IKBKB: variants seen among roughly 807,000 people sequenced by gnomAD.
IKBKB encodes inhibitor of nuclear factor kappa B kinase subunit beta, also known as inhibitor of nuclear factor kappa-B kinase subunit beta.
In IKBKB, 42 loss-of-function variants were observed where a neutral mutation model predicts 113.6. The ratio of observed to expected loss-of-function variants is 0.37; its 90% CI spans 0.29 to 0.48. IKBKB has a LOEUF of 0.48. Ranked by LOEUF, IKBKB falls within the 20% of genes least tolerant of loss-of-function variation. IKBKB has a pLI of 0.99. For synonymous variants in IKBKB, 296 were observed against 361.3 expected, an observed-to-expected ratio of 0.82 and a Z score of 2.05; for missense variants, 673 against 939.7, an observed-to-expected ratio of 0.72 and a Z score of 3.71.
At chr8:42,296,358 G>C (rs1268977795) in intron 5 of IKBKB, among the ~76,000 whole-genome samples, 1 of 152,184 alleles carries the variant, frequency 6.6e-6, no homozygotes, top group African/African-American at 2.4e-5. Flanking sequence ...TAGGCCAGAC[G>C]CGGTGGCTCA....
chr8:42,281,022 A>C (rs1810276652), intron 2 of IKBKB, among the ~76,000 whole-genome samples: 1 of 152,152 alleles, frequency 6.6e-6, no homozygotes, highest in Non-Finnish European at 1.5e-5. Context: ...ACAGTGATCC[A>C]GGGAGCATTC....
At position 42,305,285 on chromosome 8, in the gene IKBKB, C is replaced by T. The variant is rs2130521275; in HGVS notation, c.477+10C>T. ...GCAAGGAGAACAGAGGGTAAGTGAC[C>T]TCCTGGGACTGGGAAAGCCTCAGGT... On this transcript the variant is annotated intron_variant, in intron 6 of 21. Transcript: ENST00000520810. The T allele has an allele frequency of 6.3e-7, 1 of 1,586,282 alleles. No homozygotes were observed. Among genetic ancestry groups the T allele is most frequent in the Non-Finnish European group, 8.7e-7 (1 of 1,154,928 alleles).
intron 8 of IKBKB, chr8:42,309,373 T>A (rs1817246121): frequency 2.7e-6 from 1 of 374,134 alleles, no homozygotes; most frequent in Non-Finnish European, 5.2e-6. Context: ...ATAAAACACG[T>A]GTACACATGA....
intron 3 of IKBKB, among the ~76,000 whole-genome samples, chr8:42,289,708 G>A (rs991195715): frequency 4.6e-5 from 7 of 152,176 alleles, no homozygotes; most frequent in African/African-American, 1.7e-4. Flanking sequence ...TTCTCTGTGT[G>A]TCCACCTTGG....
rs147868691 is a variant in IKBKB, at chr8:42,322,629, G to A, written c.1986+135G>A. The A allele has an allele frequency of 2.3e-3, 2,019 of 870,258 alleles. 4 individuals carry two copies. Among genetic ancestry groups the A allele is most frequent in the Middle Eastern group, 6.5e-3 (18 of 2,786 alleles). The allele number at this position is 870,258 out of a possible 1,614,324, so 53.9% of individuals were successfully genotyped here. The stretch of plus-strand genomic sequence containing the variant: ...CACTCAGCTGCTGCTCGGGCTTCAC[G>A]TCGCTGTTCTTTGACTTGGTGTAAG... On this transcript the variant is annotated intron_variant, in intron 19 of 21. Transcript: ENST00000520810.
intron 7 of IKBKB, 84 bp downstream of exon 7, chr8:42,306,516 C>A: frequency 1.2e-6 from 1 of 863,622 alleles, no homozygotes; most frequent in Non-Finnish European, 2.0e-6. Context: ...TTGCTCCCAG[C>A]ACCTGAGTCC....
At chr8:42,310,307 G>T (rs564393612) in intron 8 of IKBKB, among the ~76,000 whole-genome samples, 1 of 152,146 alleles carries the variant, frequency 6.6e-6, no homozygotes, top group African/African-American at 2.4e-5. Flanking sequence ...GGAGTATGCA[G>T]TGAAGTCATA....
intron 5 of IKBKB, among the ~76,000 whole-genome samples, chr8:42,303,786 C>T (rs1020504574): frequency 5.3e-5 from 8 of 152,156 alleles, no homozygotes; most frequent in African/African-American, 9.7e-5. Flanking sequence ...GGATTACAGG[C>T]GTGAGCCACC....
At chr8:42,314,158 A>G in intron 8 of IKBKB, 164 bp from the exon 9 acceptor site, 1 of 634,334 alleles carries the variant, frequency 1.6e-6, no homozygotes. Flanking sequence ...TTTGTAGCCT[A>G]GGAGCAATAG....
At position 42,316,666 on chromosome 8, in the gene IKBKB, CT is replaced by C; in HGVS notation, c.931-42del. ...ACCTAGGCAAATAGATGGGCATTTCCTTGAAGAAATCGGTTTTCCAGTAACA... is the reference window on the plus strand; with the variant it reads ...ACCTAGGCAAATAGATGGGCATTTCCTGAAGAAATCGGTTTTCCAGTAACA... On this transcript the variant is annotated intron_variant, in intron 10 of 21. Coordinates refer to ENST00000520810, the MANE Select transcript of IKBKB (RefSeq NM_001556.3). This position sits in a 1 kb window ranked among gnomAD's most constrained non-coding sequence, Gnocchi z 4.5. 1 of 1,562,130 alleles carries C rather than the reference CT, an allele frequency of 6.4e-7. No homozygotes were observed. Among genetic ancestry groups the C allele is most frequent in the Non-Finnish European group, 8.7e-7 (1 of 1,146,572 alleles).
chr8:42,273,423 T>G lies in IKBKB; in HGVS notation c.105+1218T>G, dbSNP rs201837990. ...GAATGAGACCCTGTCTCAAAAAATATATATATATATATATATTTAAAATAT... is the reference window on the plus strand; with the variant it reads ...GAATGAGACCCTGTCTCAAAAAATAGATATATATATATATATTTAAAATAT... On this transcript the variant is annotated intron_variant, in intron 2 of 21. Coordinates refer to ENST00000520810, the MANE Select transcript of IKBKB (RefSeq NM_001556.3). 4.1e-5 allele frequency among the ~76,000 whole-genome samples: 4 copies of G among 98,040 alleles called. No homozygotes were observed. In the African/African-American group the frequency reaches 4.5e-4, roughly 11 times the overall value. 64.3% of individuals were successfully genotyped at this position (98,040 alleles called of 152,430 possible).
chr8:42,297,476 C>G (rs1214269054), intron 5 of IKBKB, among the ~76,000 whole-genome samples: 1 of 152,210 alleles, frequency 6.6e-6, no homozygotes, highest in East Asian at 1.9e-4. Flanking sequence ...TTGGCCCCTA[C>G]TCTCTTCTGT....
In IKBKB at chr8:42,309,428, A is replaced by T. The variant is rs1440453513; in HGVS notation, c.692+403A>T. ...TGAAAATTTGTTGTTGACAAATGTT[A>T]CTACAACCTGAATATAAATTTTTGT... On this transcript the variant is annotated intron_variant, in intron 8 of 21. Coordinates refer to ENST00000520810, the MANE Select transcript of IKBKB (RefSeq NM_001556.3). The T allele has an allele frequency of 2.4e-5, 9 of 376,616 alleles. No individual in the cohort carries two copies. The Admixed American group carries it at 2.8e-4, about 12-fold the overall frequency. The allele number at this position is 376,616 out of a possible 1,614,324, so 23.3% of individuals were successfully genotyped here.
At position 42,278,349 on chromosome 8, in the gene IKBKB, T is replaced by C. The variant is rs533607064; in HGVS notation, c.105+6144T>C. Among the ~76,000 whole-genome samples, 627 of 151,632 alleles carry C rather than the reference T, an allele frequency of 4.1e-3. 4 individuals carry two copies. The highest frequency in any genetic ancestry group is 0.015 in the African/African-American group (608 of 41,304). On this transcript the variant is annotated intron_variant, in intron 2 of 21. Transcript: ENST00000520810. The stretch of plus-strand genomic sequence containing the variant: ...TTTTGGGCAGTTTCAGCCGAGGAGG[T>C]TTTGTTTTGATGGAGGAGCAGTGGA...
At chr8:42,328,887 A>T (rs1821296303) in intron 20 of IKBKB, among the ~76,000 whole-genome samples, 1 of 152,176 alleles carries the variant, frequency 6.6e-6, no homozygotes, top group Non-Finnish European at 1.5e-5. Flanking sequence ...TCTGACTTTT[A>T]TTGAGATCTG....
At chr8:42,283,775 A>G (rs902800910) in intron 2 of IKBKB, among the ~76,000 whole-genome samples, 1 of 152,216 alleles carries the variant, frequency 6.6e-6, no homozygotes, top group African/African-American at 2.4e-5. Context: ...AGCAATAGAA[A>G]ACAAGTGCCC....
intron 19 of IKBKB, chr8:42,325,404 G>A (rs1015655961): frequency 3.0e-6 from 3 of 985,824 alleles, no homozygotes; most frequent in Non-Finnish European, 3.6e-6. Context: ...AGTTCATTAA[G>A]GGGCTGGATG....
At chr8:42,278,717 C>T (rs1178903475) in intron 2 of IKBKB, among the ~76,000 whole-genome samples, 1 of 152,116 alleles carries the variant, frequency 6.6e-6, no homozygotes, top group Non-Finnish European at 1.5e-5. Flanking sequence ...GATATTTAGC[C>T]TGGTGCAGTG....
intron 2 of IKBKB, among the ~76,000 whole-genome samples, chr8:42,285,715 G>T (rs908233111): frequency 4.6e-5 from 7 of 152,260 alleles, no homozygotes; most frequent in African/African-American, 1.4e-4. Flanking sequence ...TACTGCCGCA[G>T]ACTGGACTGA....
Sources: allele counts gnomAD v4.1 joint callset (sites outside exome capture counted in the v4.1 genomes callset), GRCh38; gene constraint gnomAD v4.1.1; non-coding constraint Gnocchi (gnomAD v3.1); transcripts MANE v1.5; gene names NCBI Gene and HGNC (gene_info 2026-07-23, HGNC 2026-07-21).